PCDH18: variants seen among roughly 807,000 people sequenced by gnomAD.
PCDH18 encodes the protein protocadherin-18.
A neutral mutation model predicts 71.5 loss-of-function variants in PCDH18; 38 were observed. That is an observed-to-expected ratio of 0.53 (90% CI 0.41 to 0.70). The LOEUF is 0.70. Ranked by LOEUF, PCDH18 falls within the 30% of genes least tolerant of loss-of-function variation. The probability of loss-of-function intolerance (pLI) is 0.00; values close to 1 mark genes in which losing one functional copy is unlikely to be tolerated. For synonymous variants in PCDH18, 565 were observed against 505.4 expected (o/e 1.12, Z -1.58); for missense variants, 1,334 against 1,384.6 (o/e 0.96, Z 0.58).
rs776611552 is a variant in PCDH18, at chr4:137,531,523, C to A, written c.566G>T (p.Arg189Met). The part of the protein sequence containing the change: ...NDFFNIEVRT[R>M]TDGAKYAELI... ...TTCTGCATACTTGGCTCCATCAGTC[C>A]TGGTCCGAACCTCGATATTAAAAAA... Residue 189 changes from arginine (R) to methionine (M), a missense_variant, in exon 1 of 4, where the codon AGG becomes ATG. Physicochemically the swap from Arg to Met is moderately conservative, Grantham distance 91 (BLOSUM62 -1). Around this residue, in one of 3 missense-constraint regions of PCDH18, gnomAD observed 1,011 missense variants for 1,048.0 expected, o/e 0.96. Coordinates refer to ENST00000344876, the MANE Select transcript of PCDH18 (RefSeq NM_019035.5). 1.9e-6 allele frequency: 3 copies of A among 1,613,760 alleles called. No homozygotes were observed. The highest frequency in any genetic ancestry group is 2.5e-6 in the Non-Finnish European group (3 of 1,179,870).
In PCDH18 at chr4:137,532,097, T is replaced by G. The variant is rs758114941; in HGVS notation, c.-9A>C. 10 of 1,601,944 alleles carry G rather than the reference T, an allele frequency of 6.2e-6. No individual in the cohort carries two copies. Among genetic ancestry groups the G allele is most frequent in the Admixed American group, 1.7e-5 (1 of 59,658 alleles). ...GCATTCATTTGGTGCATTGGTCAGT[T>G]TATGAGATTTCCCTCACAGAGCAAG... On this transcript the variant is annotated 5_prime_UTR_variant, in exon 1 of 4. Coordinates refer to ENST00000344876, the MANE Select transcript of PCDH18 (RefSeq NM_019035.5).
Position 137,529,817 on chromosome 4 carries a change from C to A in PCDH18, c.2272G>T (p.Asp758Tyr). The change falls in exon 1 of 4, where the codon GAC (aspartate) becomes TAC (tyrosine). Residue 758 changes from aspartate (D) to tyrosine (Y), a missense_variant. Around this residue, in one of 3 missense-constraint regions of PCDH18, gnomAD observed 1,011 missense variants for 1,048.0 expected, o/e 0.96. Coordinates refer to ENST00000344876, the MANE Select transcript of PCDH18 (RefSeq NM_019035.5). ...TTTATGGTAGGCACCAATGTGATGTCCCCTTTGTGAATCTGCCGGGATGGC... is the reference window on the plus strand; with the variant it reads ...TTTATGGTAGGCACCAATGTGATGTACCCTTTGTGAATCTGCCGGGATGGC... ...KRPSRQIHKG[D>Y]ITLVPTINGT... 6.2e-7 allele frequency: 1 copy of A among 1,611,400 alleles called. No homozygotes were observed. Among genetic ancestry groups the A allele is most frequent in the Non-Finnish European group, 8.5e-7 (1 of 1,178,226 alleles).
intron 3 of PCDH18, among the ~76,000 whole-genome samples, chr4:137,526,361 C>G (rs1731460204): frequency 6.6e-6 from 1 of 152,006 alleles, no homozygotes; most frequent in African/African-American, 2.4e-5. Context: ...CACTATGTTA[C>G]TTTTCTGTTT....
Position 137,531,665 on chromosome 4 carries a change from T to C in PCDH18, c.424A>G (p.Ile142Val), listed in dbSNP as rs753863141. Reference sequence around the variant, plus strand: ...GCACTCTCAGATATCTCAATAGGTATGAGAGATCTTGAAAACTGGGGAGAA... The same window carrying C: ...GCACTCTCAGATATCTCAATAGGTACGAGAGATCTTGAAAACTGGGGAGAA... ...DNSPQFSRSL[I>V]PIEISESAAV... Residue 142 changes from isoleucine (I) to valine (V), a missense_variant, in exon 1 of 4, where the codon ATA becomes GTA. Coordinates refer to ENST00000344876, the MANE Select transcript of PCDH18 (RefSeq NM_019035.5). 6.2e-7 allele frequency: 1 copy of C among 1,614,054 alleles called. No homozygotes were observed. Among genetic ancestry groups the C allele is most frequent in the Non-Finnish European group, 8.5e-7 (1 of 1,179,906 alleles).
At chr4:137,525,846 ATT>A (rs1160844305) in intron 3 of PCDH18, among the ~76,000 whole-genome samples, 1 of 152,008 alleles carries the variant, frequency 6.6e-6, no homozygotes, top group African/African-American at 2.4e-5. Context: ...CAAATATGAG[ATT>A]TTTTTTTAAA....
Position 137,520,286 on chromosome 4 carries a change from A to G in PCDH18, c.*743T>C, listed in dbSNP as rs1174958804. 6.6e-6 allele frequency: 1 copy of G among 152,324 alleles called. No homozygotes were observed. Among genetic ancestry groups the G allele is most frequent in the Admixed American group, 6.5e-5 (1 of 15,280 alleles). The allele number at this position is 152,324 out of a possible 1,614,324, so 9.4% of individuals were successfully genotyped here. A position where few individuals can be genotyped will look rare whatever the true frequency, so the allele number is the denominator to read the frequency against. On this transcript the variant is annotated 3_prime_UTR_variant, in exon 4 of 4. Transcript: ENST00000344876. ...TTGTTTACCATAATTATAAGTAGAT[A>G]ATAATATTGTGAGAGAAATATTCTC...
intron 3 of PCDH18, 61 bp from the exon 4 acceptor site, chr4:137,521,757 A>G (rs1186456500): frequency 7.8e-6 from 10 of 1,275,822 alleles, no homozygotes; most frequent in Non-Finnish European, 1.1e-5. Flanking sequence ...AAAATGATGC[A>G]AAAATGCAAT....
rs1731637201 is a variant in PCDH18 at position 137,530,418 on chromosome 4, T to C, written c.1671A>G (p.Val557=). The part of the protein sequence containing the change: ...ARDGGSPKQL[V]SNTTVVLTII... Reference sequence around the variant, plus strand: ...TGGTGAGCACAACTGTGGTATTGCTTACCAGTTGCTTCGGGCTTCCTCCAT... The same window carrying C: ...TGGTGAGCACAACTGTGGTATTGCTCACCAGTTGCTTCGGGCTTCCTCCAT... Residue 557 remains valine, a synonymous_variant, in exon 1 of 4, where the codon GTA becomes GTG. Transcript: ENST00000344876. 6.2e-7 allele frequency: 1 copy of C among 1,613,962 alleles called. No individual in the cohort carries two copies. Among genetic ancestry groups the C allele is most frequent in the Admixed American group, 1.7e-5 (1 of 59,996 alleles).
chr4:137,528,923 G>C, intron 1 of PCDH18, 103 bp from the exon 2 acceptor site: 1 of 829,122 alleles, frequency 1.2e-6, no homozygotes, highest in Non-Finnish European at 2.1e-6. Context: ...CTAAGTAATT[G>C]AATATATTCT....
In PCDH18 at chr4:137,530,507, A is replaced by G. The variant is rs1731641847; in HGVS notation, c.1582T>C (p.Tyr528His). 1.2e-6 allele frequency: 2 copies of G among 1,614,002 alleles called. No individual in the cohort carries two copies. Among genetic ancestry groups the G allele is most frequent in the East Asian group, 2.2e-5 (1 of 44,862 alleles). Reference sequence around the variant, plus strand: ...TCATGATCAAAGATTCTGAGGGCATAGATGGCTCCATTAGATGGGTCAATG... The same window carrying G: ...TCATGATCAAAGATTCTGAGGGCATGGATGGCTCCATTAGATGGGTCAATG... ...VTIDPSNGAI[Y>H]ALRIFDHEEV... is the part of the protein sequence containing the mutation. The change falls in exon 1 of 4, where the codon TAT becomes CAT. Residue 528 changes from tyrosine to histidine, a missense_variant. Tyr to His is a moderately conservative substitution (Grantham distance 83, BLOSUM62 2). Around this residue, in one of 3 missense-constraint regions of PCDH18, gnomAD observed 1,011 missense variants for 1,048.0 expected, o/e 0.96. Transcript: ENST00000344876.
At position 137,530,327 on chromosome 4, in the gene PCDH18, T is replaced by A; in HGVS notation, c.1762A>T (p.Ile588Phe). 1.2e-6 allele frequency: 2 copies of A among 1,613,498 alleles called. No individual in the cohort carries two copies. The highest frequency in any genetic ancestry group is 1.3e-5 in the African/African-American group (1 of 75,040). Reference protein sequence around the residue: ...GPALRNNTAEITIPKGAESGF... With the variant: ...GPALRNNTAEFTIPKGAESGF... Reference sequence around the variant, plus strand: ...CTTTCAGCCCCTTTGGGAATGGTGATTTCTGCCGTATTATTACGCAATGCA... The same window carrying A: ...CTTTCAGCCCCTTTGGGAATGGTGAATTCTGCCGTATTATTACGCAATGCA... Residue 588 changes from isoleucine to phenylalanine, a missense_variant, in exon 1 of 4, where the codon ATC (isoleucine) becomes TTC (phenylalanine). Transcript: ENST00000344876.
Position 137,531,111 on chromosome 4 carries a change from A to G in PCDH18, c.978T>C (p.Ala326=). Residue 326 remains alanine (A), a synonymous_variant, in exon 1 of 4, where the codon GCT becomes GCC. Coordinates refer to ENST00000344876, the MANE Select transcript of PCDH18 (RefSeq NM_019035.5). ...ITKSYEIDVQ[A]QDLGPNSIPA... is the part of the protein sequence containing the mutation. The stretch of plus-strand genomic sequence containing the variant: ...GGATTGAATTTGGACCCAAATCTTG[A>G]GCCTGAACATCAATCTCATAGGATT... The G allele has an allele frequency of 6.2e-7, 1 of 1,613,874 alleles. No individual in the cohort carries two copies. The highest frequency in any genetic ancestry group is 8.5e-7 in the Non-Finnish European group (1 of 1,179,800).
chr4:137,522,685 A>G (rs1355138721), intron 3 of PCDH18, among the ~76,000 whole-genome samples: 1 of 152,194 alleles, frequency 6.6e-6, no homozygotes, highest in Non-Finnish European at 1.5e-5. Context: ...GGTTGTTACT[A>G]GCTATACTTA....
Position 137,531,868 on chromosome 4 carries a change from G to A in PCDH18, c.221C>T (p.Ser74Phe), listed in dbSNP as rs1163609464. The A allele has an allele frequency of 6.2e-7, 1 of 1,613,776 alleles. No homozygotes were observed. The highest frequency in any genetic ancestry group is 1.3e-5 in the African/African-American group (1 of 74,896). ...VRFRAMQRGN[S>F]PLLVVNEDNG... ...ATCCTCGTTTACTACAAGTAGAGGA[G>A]AATTTCCCCTCTGCATGGCTCGAAA... Residue 74 changes from serine to phenylalanine, a missense_variant, in exon 1 of 4, where the codon TCT (serine) becomes TTT (phenylalanine). By Grantham distance (155) the Ser-to-Phe change is radical. This residue lies in a region of PCDH18 where 1,011 missense variants were observed against 1,048.0 expected (regional missense o/e 0.96). Transcript: ENST00000344876.
intron 3 of PCDH18, among the ~76,000 whole-genome samples, chr4:137,526,799 TA>T (rs1731475614): frequency 6.6e-6 from 1 of 151,978 alleles, no homozygotes; most frequent in Non-Finnish European, 1.5e-5. Flanking sequence ...ACACTCTACT[TA>T]AAAACAATTA....
At chr4:137,525,951 A>C (rs1731441807) in intron 3 of PCDH18, among the ~76,000 whole-genome samples, 1 of 151,982 alleles carries the variant, frequency 6.6e-6, no homozygotes, top group Non-Finnish European at 1.5e-5. Flanking sequence ...GCTTAACGTC[A>C]CTCACTAAAC....
intron 3 of PCDH18, among the ~76,000 whole-genome samples, chr4:137,528,173 A>T (rs370586552): frequency 3.9e-5 from 6 of 152,136 alleles, no homozygotes; most frequent in African/African-American, 1.4e-4. Flanking sequence ...GCTGTATCGG[A>T]TGAGGTGGAA....
rs1430354257 is a variant in PCDH18 at position 137,531,490 on chromosome 4, A to C, written c.599T>G (p.Val200Gly). 2.5e-6 allele frequency: 4 copies of C among 1,613,860 alleles called. No homozygotes were observed. The change falls in exon 1 of 4, where the codon GTG becomes GGG. Residue 200 changes from valine (V) to glycine (G), a missense_variant. Transcript: ENST00000344876. ...TDGAKYAELI[V>G]VRELDRELKS... is the part of the protein sequence containing the mutation. ...CAGCTCCCGATCTAACTCTCTGACCACTATGAGTTCTGCATACTTGGCTCC... is the reference window on the plus strand; with the variant it reads ...CAGCTCCCGATCTAACTCTCTGACCCCTATGAGTTCTGCATACTTGGCTCC...
chr4:137,530,748 T>A lies in PCDH18; in HGVS notation c.1341A>T (p.Thr447=). Reference sequence around the variant, plus strand: ...TGATTTGAACTGTAAAATGTTTCACTGTAGAGAGACTGGGTGTCCCCCTGT... The same window carrying A: ...TGATTTGAACTGTAAAATGTTTCACAGTAGAGAGACTGGGTGTCCCCCTGT... ...AEDRGTPSLS[T]VKHFTVQIND... Residue 447 remains threonine (T), a synonymous_variant, in exon 1 of 4, where the codon ACA becomes ACT. Transcript: ENST00000344876. 1 of 1,613,102 alleles carries A rather than the reference T, an allele frequency of 6.2e-7. No homozygotes were observed.
Sources: allele counts gnomAD v4.1 joint callset (sites outside exome capture counted in the v4.1 genomes callset), GRCh38; gene constraint gnomAD v4.1.1; regional missense constraint gnomAD v4.1.1; transcripts MANE v1.5; gene names NCBI Gene and HGNC (gene_info 2026-07-23, HGNC 2026-07-21).